The following AOPEP variants were observed in gnomAD, a reference collection of about 807,000 sequenced individuals.
AOPEP encodes the protein aminopeptidase O.
In AOPEP, 77 loss-of-function variants were observed where a neutral mutation model predicts 98.1. That is an observed-to-expected ratio of 0.78 (90% CI 0.65 to 0.95). The LOEUF is 0.95. Among genes scored for constraint, AOPEP ranks in the 40% least tolerant of loss-of-function variants. The probability of loss-of-function intolerance (pLI) is 0.00; values close to 1 mark genes in which losing one functional copy is unlikely to be tolerated. For missense variants in AOPEP, 1,024 were observed against 1,024.7 expected (o/e 1.00, Z 0.01); for synonymous variants, 346 against 365.3 (o/e 0.95, Z 0.60).
At chr9:94,741,581 T>G (rs2131950914) in intron 1 of AOPEP, among the ~76,000 whole-genome samples, 1 of 151,888 alleles carries the variant, frequency 6.6e-6, no homozygotes, top group East Asian at 1.9e-4. Context: ...TTCCCCCTTC[T>G]TTTTTTTAAA....
At chr9:94,784,772 C>T (rs762684440) in intron 3 of AOPEP, among the ~76,000 whole-genome samples, 4 of 151,818 alleles carry the variant, frequency 2.6e-5, no homozygotes, top group Non-Finnish European at 4.4e-5. Flanking sequence ...CCCACCACCA[C>T]GCCTGGCTAA....
intron 5 of AOPEP, among the ~76,000 whole-genome samples, chr9:94,827,395 A>G (rs1187537845): frequency 6.6e-6 from 1 of 152,072 alleles, no homozygotes; most frequent in Non-Finnish European, 1.5e-5. Context: ...AACCCTTTAC[A>G]TTTTCGTCCA....
intron 1 of AOPEP, among the ~76,000 whole-genome samples, chr9:94,748,236 C>T (rs1394483180): frequency 6.6e-6 from 1 of 152,154 alleles, no homozygotes; most frequent in African/African-American, 2.4e-5. Flanking sequence ...AAAAAGCCCC[C>T]TGTCATCTGT....
chr9:94,887,357 AATAAT>A (rs1332820744), intron 5 of AOPEP, among the ~76,000 whole-genome samples: 15 of 151,556 alleles, frequency 9.9e-5, no homozygotes, highest in Admixed American at 9.9e-4. Context: ...CCAAAATAAT[AATAAT>A]AATAATAATA....
intron 5 of AOPEP, among the ~76,000 whole-genome samples, chr9:94,882,116 C>G (rs898972300): frequency 6.6e-6 from 1 of 152,142 alleles, no homozygotes; most frequent in Admixed American, 6.5e-5. Flanking sequence ...GGCGGGAAGG[C>G]CTGGCTGATC....
intron 6 of AOPEP, among the ~76,000 whole-genome samples, chr9:94,926,004 A>G (rs1230281536): frequency 6.6e-6 from 1 of 152,206 alleles, no homozygotes; most frequent in East Asian, 1.9e-4. Flanking sequence ...ACAGGCATTC[A>G]GCAGGGGTTT....
In AOPEP at chr9:94,804,663, G is replaced by A. The variant is rs117396664; in HGVS notation, c.1364+3661G>A. 9.0e-3 allele frequency among the ~76,000 whole-genome samples: 1,376 copies of A among 152,282 alleles called. 7 individuals carry two copies. Among genetic ancestry groups the A allele is most frequent in the Non-Finnish European group, 0.014 (934 of 68,022 alleles). ...TTCTTGCAATAAATATTTATCAAGC[G>A]TATACTGTGTGCCAGATAGTACTTA... is the stretch of plus-strand genomic sequence containing the variant. On this transcript the variant is annotated intron_variant, in intron 5 of 16. Transcript: ENST00000375315.
intron 5 of AOPEP, among the ~76,000 whole-genome samples, chr9:94,914,554 G>GTGTGTGTGTGTGTGTA (rs2052527610): frequency 6.6e-6 from 1 of 151,930 alleles, no homozygotes; most frequent in Non-Finnish European, 1.5e-5. Context: ...GTGTGTGTGT[G>GTGTGTGTGTGTGTGTA]TGTGTGTATG....
intron 9 of AOPEP, among the ~76,000 whole-genome samples, chr9:94,956,852 A>T (rs1325846631): frequency 6.6e-6 from 1 of 152,220 alleles, no homozygotes; most frequent in African/African-American, 2.4e-5. Flanking sequence ...CCAGTGTTAG[A>T]TGTAAAGGAT....
intron 1 of AOPEP, among the ~76,000 whole-genome samples, chr9:94,738,169 G>A (rs1832195071): frequency 6.6e-6 from 1 of 152,164 alleles, no homozygotes; most frequent in Non-Finnish European, 1.5e-5. Context: ...TAGTTTTTTG[G>A]TGCAGTTGCT....
At chr9:94,750,534 G>A (rs1486561524) in intron 1 of AOPEP, among the ~76,000 whole-genome samples, 10 of 151,890 alleles carry the variant, frequency 6.6e-5, no homozygotes, top group Non-Finnish European at 1.2e-4. Flanking sequence ...GCAGTGAGCC[G>A]AGATTGGGCC....
At chr9:94,896,960 C>A (rs1588759429) in intron 5 of AOPEP, among the ~76,000 whole-genome samples, 7 of 129,072 alleles carry the variant, frequency 5.4e-5, no homozygotes, top group South Asian at 2.5e-4. Context: ...GTTTCTAAAA[C>A]TAAAGTAAAA....
intron 5 of AOPEP, among the ~76,000 whole-genome samples, chr9:94,901,718 G>A (rs986872548): frequency 6.6e-6 from 1 of 152,074 alleles, no homozygotes; most frequent in South Asian, 2.1e-4. Flanking sequence ...AGGTGGGTGG[G>A]CACTTGAGGC....
chr9:95,127,824 C>T, the AOPEP span, among the ~76,000 whole-genome samples: 3 of 152,252 alleles, frequency 2.0e-5, no homozygotes, highest in Admixed American at 6.5e-5. Context: ...CATCTAGCGT[C>T]CACTGGTCAG....
intron 5 of AOPEP, among the ~76,000 whole-genome samples, chr9:94,842,454 G>T (rs1199540926): frequency 6.6e-6 from 1 of 152,182 alleles, no homozygotes; most frequent in Non-Finnish European, 1.5e-5. Context: ...GGATGGAGTT[G>T]TCTATCCAAG....
intron 1 of AOPEP, among the ~76,000 whole-genome samples, chr9:94,732,809 A>G (rs894523846): frequency 1.3e-5 from 2 of 152,214 alleles, no homozygotes; most frequent in Admixed American, 6.5e-5. Context: ...CAAATAACTT[A>G]ACACTTTAAA....
At chr9:94,983,748 A>T (rs935187180) in intron 11 of AOPEP, among the ~76,000 whole-genome samples, 5 of 152,264 alleles carry the variant, frequency 3.3e-5, no homozygotes, top group African/African-American at 9.6e-5. Context: ...GCCTTTGTGC[A>T]TGCCCTTTGC....
intron 4 of AOPEP, among the ~76,000 whole-genome samples, chr9:94,795,164 T>C (rs1389890736): frequency 1.3e-5 from 2 of 152,192 alleles, no homozygotes; most frequent in African/African-American, 4.8e-5. Context: ...CCCTACTAAG[T>C]AGCAATACCT....
At position 94,910,425 on chromosome 9, in the gene AOPEP, G is replaced by C. The variant is rs370328335; in HGVS notation, c.1365-13561G>C. 6.0e-4 allele frequency among the ~76,000 whole-genome samples: 92 copies of C among 152,296 alleles called. 1 individual carries two copies. Among genetic ancestry groups the C allele is most frequent in the South Asian group, 4.6e-3 (22 of 4,824 alleles). ...GGCTTCCGAGCGAGGACTGGGTCTC[G>C]GGCAGCCTTGCAGCACGCAGCACAT... On this transcript the variant is annotated intron_variant, in intron 5 of 16. Coordinates refer to ENST00000375315, the MANE Select transcript of AOPEP (RefSeq NM_001193329.3).
Sources: allele counts gnomAD v4.1 joint callset (sites outside exome capture counted in the v4.1 genomes callset), GRCh38; gene constraint gnomAD v4.1.1; transcripts MANE v1.5; gene names NCBI Gene and HGNC (gene_info 2026-07-23, HGNC 2026-07-21).